Variants in GLI2 observed in about 807,000 individuals in gnomAD.
GLI2 encodes the protein GLI family zinc finger 2.
A neutral mutation model predicts 78.9 loss-of-function variants in GLI2; 22 were observed. The ratio of observed to expected loss-of-function variants is 0.28; its 90% CI spans 0.20 to 0.40. GLI2 has a LOEUF of 0.40. Among genes scored for constraint, GLI2 ranks in the 10% least tolerant of loss-of-function variants. The probability of loss-of-function intolerance (pLI) is 1.00; values close to 1 mark genes in which losing one functional copy is unlikely to be tolerated. For missense variants in GLI2, 2,097 were observed against 2,213.2 expected (o/e 0.95, Z 1.05); for synonymous variants, 974 against 963.7 (o/e 1.01, Z -0.20).
At chr2:120,875,030 C>T (rs77316663) in intron 2 of GLI2, among the ~76,000 whole-genome samples, 4,230 of 152,320 alleles carry the variant, frequency 0.028, 208 homozygotes, top group African/African-American at 0.091. Flanking sequence ...ACCCATAAAA[C>T]GGTGAGGTGA....
intron 2 of GLI2, among the ~76,000 whole-genome samples, chr2:120,885,809 C>T (rs547498855): frequency 2.0e-5 from 3 of 152,328 alleles, no homozygotes; most frequent in African/African-American, 7.2e-5. Flanking sequence ...TAGCACCAAA[C>T]TCCCCTCTAC....
intron 2 of GLI2, among the ~76,000 whole-genome samples, chr2:120,818,546 T>G (rs769732977): frequency 7.2e-5 from 11 of 152,176 alleles, no homozygotes; most frequent in Admixed American, 1.3e-4. Flanking sequence ...TGCTGGGCAC[T>G]ACTGGAAGGA....
At chr2:120,946,482 C>T (rs1446087155) in intron 3 of GLI2, among the ~76,000 whole-genome samples, 1 of 152,158 alleles carries the variant, frequency 6.6e-6, no homozygotes, top group African/African-American at 2.4e-5. Flanking sequence ...TGAGCTCATG[C>T]AGCCAGCTCC....
At chr2:120,793,856 T>G (rs1684260434) in intron 1 of GLI2, among the ~76,000 whole-genome samples, 1 of 152,220 alleles carries the variant, frequency 6.6e-6, no homozygotes, top group South Asian at 2.1e-4. Flanking sequence ...CTGGAGGATC[T>G]GACTGTAGGC....
intron 1 of GLI2, among the ~76,000 whole-genome samples, chr2:120,776,764 G>T (rs1683687811): frequency 6.6e-6 from 1 of 152,242 alleles, no homozygotes; most frequent in Non-Finnish European, 1.5e-5. Flanking sequence ...CGGGGCAGAG[G>T]CATCCTAGCC....
At chr2:120,858,031 T>A (rs2104631008) in intron 2 of GLI2, among the ~76,000 whole-genome samples, 1 of 152,332 alleles carries the variant, frequency 6.6e-6, no homozygotes, top group East Asian at 1.9e-4. Context: ...CTTCAGTTGT[T>A]TGAGACTGGG....
intron 1 of GLI2, among the ~76,000 whole-genome samples, chr2:120,790,403 C>T (rs1193302258): frequency 1.3e-5 from 2 of 152,178 alleles, no homozygotes; most frequent in East Asian, 1.9e-4. Flanking sequence ...CCTGCCTCCC[C>T]GCATCTGACC....
intron 2 of GLI2, among the ~76,000 whole-genome samples, chr2:120,916,050 A>C (rs953479022): frequency 2.0e-5 from 3 of 152,188 alleles, no homozygotes; most frequent in African/African-American, 7.2e-5. Flanking sequence ...GGAAATGCCA[A>C]AGGGCCTGTG....
chr2:120,954,903 ACT>A (rs1408892417), intron 4 of GLI2, among the ~76,000 whole-genome samples: 4 of 151,930 alleles, frequency 2.6e-5, no homozygotes, highest in Non-Finnish European at 4.4e-5. Flanking sequence ...AACTTTGAAG[ACT>A]CTGCTGGACT....
intron 2 of GLI2, among the ~76,000 whole-genome samples, chr2:120,899,905 T>C (rs1678170235): frequency 6.6e-6 from 1 of 152,124 alleles, no homozygotes; most frequent in Non-Finnish European, 1.5e-5. Context: ...GACAGTGAGC[T>C]TTGTTAGGAT....
chr2:120,834,702 A>T (rs1226359973), intron 2 of GLI2, among the ~76,000 whole-genome samples: 1 of 152,164 alleles, frequency 6.6e-6, no homozygotes, highest in African/African-American at 2.4e-5. Context: ...CCCTTTGTTC[A>T]CAGACCTTTT....
intron 5 of GLI2, among the ~76,000 whole-genome samples, chr2:120,967,424 G>T (rs1681911557): frequency 6.6e-6 from 1 of 152,230 alleles, no homozygotes; most frequent in African/African-American, 2.4e-5. Context: ...TCATCCAGCA[G>T]TGTTGTCAGA....
intron 2 of GLI2, among the ~76,000 whole-genome samples, chr2:120,886,640 G>T (rs796616833): frequency 2.0e-5 from 3 of 152,186 alleles, no homozygotes; most frequent in Admixed American, 1.3e-4. Flanking sequence ...TTCCTGAGGG[G>T]CGTGAGTGGG....
At position 120,744,347 on chromosome 2, in the gene GLI2, A is replaced by G. The variant is rs918762969; in HGVS notation, c.-31+8062A>G. Among the ~76,000 whole-genome samples, 11 of 151,284 alleles carry G rather than the reference A, an allele frequency of 7.3e-5. 1 individual carries two copies. The stretch of plus-strand genomic sequence containing the variant: ...TGTCTGTGGAGATCAAGGTGAGGGG[A>G]CATCTCTGGTGCTCTTGGGCTTGAG... On this transcript the variant is annotated intron_variant, in intron 1 of 13. Transcript: ENST00000361492.
chr2:120,950,894 C>T (rs1300328328), intron 3 of GLI2, among the ~76,000 whole-genome samples: 3 of 152,214 alleles, frequency 2.0e-5, no homozygotes, highest in Non-Finnish European at 4.4e-5. Flanking sequence ...TGCCTAGCCC[C>T]GAGGAGGCAC....
intron 2 of GLI2, 60 bp downstream of exon 2, chr2:120,797,528 A>T: frequency 6.6e-7 from 1 of 1,517,430 alleles, no homozygotes. Flanking sequence ...GCCCGTTAGG[A>T]TTTAATTAGA....
intron 2 of GLI2, among the ~76,000 whole-genome samples, chr2:120,885,623 C>T (rs903080426): frequency 2.0e-5 from 3 of 152,218 alleles, no homozygotes; most frequent in Non-Finnish European, 2.9e-5. Flanking sequence ...CCCACTCGGA[C>T]ACACAGGGCC....
chr2:120,978,688 G>T, intron 10 of GLI2, 105 bp downstream of exon 10: 1 of 1,269,896 alleles, frequency 7.9e-7, no homozygotes, highest in Non-Finnish European at 1.1e-6. Context: ...CACCTGGGTG[G>T]GGCAGACCAC....
In GLI2 at chr2:120,966,926, G is replaced by A. The variant is rs557118547; in HGVS notation, c.644-1788G>A. Among the ~76,000 whole-genome samples the A allele has an allele frequency of 5.2e-4, 79 of 152,298 alleles. 1 individual carries two copies. The highest frequency in any genetic ancestry group is 2.9e-3 in the Admixed American group (44 of 15,296). The stretch of plus-strand genomic sequence containing the variant: ...TGGTCAAAGCCATCAGGAAAGCTTT[G>A]GGAGCACCCGCCAAGAGGCTGTGTG... On this transcript the variant is annotated intron_variant, in intron 5 of 13. Transcript: ENST00000361492.
Sources: gnomAD v4.1 joint callset for allele counts (sites outside exome capture counted in the v4.1 genomes callset) on GRCh38, gnomAD v4.1.1 for gene constraint, MANE v1.5 for transcripts, NCBI Gene and HGNC (gene_info 2026-07-23, HGNC 2026-07-21) for gene names.